Variants in MILR1 observed in about 807,000 individuals in gnomAD.
The protein encoded by MILR1 is mast cell immunoglobulin like receptor 1.
Under a neutral mutation model 18.5 loss-of-function variants are expected in MILR1, and 31 were observed. The observed-to-expected ratio is 1.68, with a 90% CI of 1.26 to 2.26. MILR1 has a LOEUF of 2.26. Among genes scored for constraint, MILR1 ranks in the 30% most tolerant of loss-of-function variants. The pLI is 0.00. For synonymous variants in MILR1, 85 were observed against 56.2 expected (o/e 1.51, Z -2.30); for missense variants, 257 against 157.4 (o/e 1.63, Z -3.38).
intron 4 of MILR1, among the ~76,000 whole-genome samples, chr17:64,458,832 C>G (rs1035520973): frequency 3.5e-4 from 53 of 152,218 alleles, no homozygotes; most frequent in African/African-American, 1.3e-3. Context: ...ACCAGTCTCT[C>G]CCCCAGCTCA....
At chr17:64,484,626 A>G in the MILR1 span, among the ~76,000 whole-genome samples, 1 of 152,154 alleles carries the variant, frequency 6.6e-6, no homozygotes, top group African/African-American at 2.4e-5. Flanking sequence ...CAGACTCAGG[A>G]TACGTTTTGA....
downstream of MILR1, among the ~76,000 whole-genome samples, chr17:64,471,783 C>T (rs1555664638): frequency 6.6e-6 from 1 of 152,204 alleles, no homozygotes; most frequent in African/African-American, 2.4e-5. Flanking sequence ...GAAACCCTGT[C>T]TCTACAAACA....
intron 2 of MILR1, among the ~76,000 whole-genome samples, chr17:64,451,183 G>A (rs1224079946): frequency 7.3e-5 from 11 of 150,684 alleles, no homozygotes; most frequent in South Asian, 2.1e-4. Context: ...CTGCTCTGTC[G>A]CCCAGGCTGG....
the MILR1 span, chr17:64,483,001 T>C: frequency 1.3e-6 from 2 of 1,554,376 alleles, no homozygotes; most frequent in Non-Finnish European, 1.8e-6. Context: ...TTTAAGTACC[T>C]AAGGCAATTA....
At chr17:64,492,925 T>C in the MILR1 span, 1 of 1,614,106 alleles carries the variant, frequency 6.2e-7, no homozygotes, top group East Asian at 2.2e-5. Flanking sequence ...CTGCTTAGTG[T>C]CAAAAACAGG....
At chr17:64,483,568 TCA>T in the MILR1 span, among the ~76,000 whole-genome samples, 2 of 150,994 alleles carry the variant, frequency 1.3e-5, no homozygotes, top group African/African-American at 4.9e-5. Flanking sequence ...GACAACTCCC[TCA>T]GTCAAAATGC....
At position 64,452,716 on chromosome 17, in the gene MILR1, A is replaced by C; in HGVS notation, c.217A>C (p.Lys73Gln). 1 of 475,250 alleles carries C rather than the reference A, an allele frequency of 2.1e-6. No individual in the cohort carries two copies. The highest frequency in any genetic ancestry group is 3.9e-6 in the Non-Finnish European group (1 of 258,994). The allele number at this position is 475,250 out of a possible 1,614,324, so 29.4% of individuals were successfully genotyped here. A position where few individuals can be genotyped will look rare whatever the true frequency, so the allele number is the denominator to read the frequency against. ...GATCACCTATTCATTGTTTCGACGT[A>C]AGACACACCTGGGAACCCAGGATGG... ...LQITYSLFRR[K>Q]THLGTQDGKG... The change falls in exon 3 of 10, where the codon AAG (lysine) becomes CAG (glutamine). Residue 73 changes from lysine to glutamine, a missense_variant. By Grantham distance (53) the Lys-to-Gln change is moderately conservative. Coordinates refer to ENST00000619286, the MANE Select transcript of MILR1 (RefSeq NM_001085423.2).
At chr17:64,494,069 CCAGTT>C in the MILR1 span, among the ~76,000 whole-genome samples, 2 of 152,148 alleles carry the variant, frequency 1.3e-5, no homozygotes, top group Admixed American at 6.5e-5. Flanking sequence ...TGTTCTCTTT[CCAGTT>C]AAGATTCATG....
the MILR1 span, chr17:64,481,503 GAACA>G: frequency 1.7e-6 from 1 of 581,770 alleles, no homozygotes; most frequent in South Asian, 7.6e-5. Flanking sequence ...TTAATCATTA[GAACA>G]AATTAGAAAA....
the MILR1 span, chr17:64,481,418 G>C: frequency 1.0e-6 from 1 of 985,332 alleles, no homozygotes; most frequent in Non-Finnish European, 1.2e-6. Flanking sequence ...CAATCACCCA[G>C]ACAGAAATGA....
At chr17:64,451,169 GTC>G (rs1430695844) in intron 2 of MILR1, among the ~76,000 whole-genome samples, 1 of 151,330 alleles carries the variant, frequency 6.6e-6, no homozygotes, top group African/African-American at 2.4e-5. Context: ...TTGAGACAGA[GTC>G]TCTGCTCTGT....
the MILR1 span, among the ~76,000 whole-genome samples, chr17:64,483,702 A>C: frequency 5.9e-5 from 9 of 151,510 alleles, no homozygotes; most frequent in African/African-American, 2.2e-4. Context: ...GAATGAAAAA[A>C]ATTTTTAAAT....
chr17:64,486,611 A>G, the MILR1 span, among the ~76,000 whole-genome samples: 4 of 152,042 alleles, frequency 2.6e-5, no homozygotes, highest in African/African-American at 7.2e-5. Context: ...TGATCAGCCC[A>G]CCTCAGCCTC....
chr17:64,460,431 G>A (rs1263888588), intron 4 of MILR1, among the ~76,000 whole-genome samples: 1 of 152,116 alleles, frequency 6.6e-6, no homozygotes, highest in East Asian at 1.9e-4. Context: ...TCCACCTCCC[G>A]GGCTCAAGCG....
chr17:64,462,280 T>G lies in MILR1; in HGVS notation c.763+1348T>G, dbSNP rs1348826427. On this transcript the variant is annotated intron_variant, in intron 5 of 9. Coordinates refer to ENST00000619286, the MANE Select transcript of MILR1 (RefSeq NM_001085423.2). The stretch of plus-strand genomic sequence containing the variant: ...CTTGGGCTCAAACAATCCTCCCACC[T>G]CGGCCTCCCACAGTGTTGGGATTAT... Among the ~76,000 whole-genome samples the G allele has an allele frequency of 5.9e-5, 9 of 151,944 alleles. No homozygotes were observed. In the South Asian group the frequency reaches 1.7e-3, roughly 28 times the overall value.
chr17:64,496,687 C>G, the MILR1 span: 1 of 1,614,014 alleles, frequency 6.2e-7, no homozygotes. Flanking sequence ...CGGGGTGGCA[C>G]CCACTCAGAA....
At chr17:64,467,798 G>T in intron 9 of MILR1, 153 bp downstream of exon 9, 1 of 509,918 alleles carries the variant, frequency 2.0e-6, no homozygotes, top group South Asian at 2.0e-5. Flanking sequence ...AGCCAGGTGT[G>T]GTGGTGTGTG....
Position 64,457,519 on chromosome 17 carries a change from A to T in MILR1, c.487A>T (p.Asn163Tyr). 2.1e-6 allele frequency: 1 copy of T among 475,434 alleles called. No individual in the cohort carries two copies. The highest frequency in any genetic ancestry group is 3.9e-6 in the Non-Finnish European group (1 of 259,074). The allele number at this position is 475,434 out of a possible 1,614,324, so 29.5% of individuals were successfully genotyped here. Reference protein sequence around the residue: ...SLPINYTFFENHVAISPAISK... With the variant: ...SLPINYTFFEYHVAISPAISK... ...GCCCATCAATTACACTTTCTTTGAAAACCATGTTGCCATATCACCAGCTAT... is the reference window on the plus strand; with the variant it reads ...GCCCATCAATTACACTTTCTTTGAATACCATGTTGCCATATCACCAGCTAT... The change falls in exon 4 of 10, where the codon AAC becomes TAC. Residue 163 changes from asparagine to tyrosine, a missense_variant. By Grantham distance (143) the Asn-to-Tyr change is moderately radical. Coordinates refer to ENST00000619286, the MANE Select transcript of MILR1 (RefSeq NM_001085423.2).
At chr17:64,456,803 G>C (rs1342805309) in intron 3 of MILR1, among the ~76,000 whole-genome samples, 6 of 151,928 alleles carry the variant, frequency 3.9e-5, no homozygotes, top group African/African-American at 1.5e-4. Context: ...CCCTGTCTCT[G>C]AATAAATAAA....
Sources: allele counts gnomAD v4.1 joint callset (sites outside exome capture counted in the v4.1 genomes callset), GRCh38; gene constraint gnomAD v4.1.1; transcripts MANE v1.5; gene names NCBI Gene and HGNC (gene_info 2026-07-23, HGNC 2026-07-21).